PTPRD: variants seen among roughly 807,000 people sequenced by gnomAD.
PTPRD encodes the protein protein tyrosine phosphatase receptor type D.
A neutral mutation model predicts 214.5 loss-of-function variants in PTPRD; 34 were observed. That is an observed-to-expected ratio of 0.16 (90% CI 0.12 to 0.21). The LOEUF (loss-of-function observed/expected upper bound fraction) is 0.21. Ranked by LOEUF, PTPRD falls within the 10% of genes least tolerant of loss-of-function variation. The probability of loss-of-function intolerance (pLI) is 1.00; values close to 1 mark genes in which losing one functional copy is unlikely to be tolerated. For missense variants in PTPRD, 2,545 were observed against 2,398.7 expected, an observed-to-expected ratio of 1.06 and a Z score of -1.27; for synonymous variants, 1,128 against 845.7, an observed-to-expected ratio of 1.33 and a Z score of -5.79.
At chr9:10,000,170 A>G (rs1282033988) in intron 4 of PTPRD, among the ~76,000 whole-genome samples, 1 of 152,144 alleles carries the variant, frequency 6.6e-6, no homozygotes, top group Non-Finnish European at 1.5e-5. Flanking sequence ...CTCAAGGAAA[A>G]TGTTGCTTTT....
chr9:8,749,467 C>T (rs985123965), intron 11 of PTPRD, among the ~76,000 whole-genome samples: 3 of 152,164 alleles, frequency 2.0e-5, no homozygotes, highest in African/African-American at 4.8e-5. Context: ...GGATTACAGG[C>T]GTGAGCCACC....
intron 8 of PTPRD, among the ~76,000 whole-genome samples, chr9:9,563,630 T>G (rs1019066585): frequency 1.3e-4 from 20 of 152,180 alleles, no homozygotes; most frequent in Admixed American, 1.2e-3. Context: ...GCTTTTATCC[T>G]TGGCTTTTAT....
At chr9:10,087,825 G>A (rs2098372745) in intron 3 of PTPRD, among the ~76,000 whole-genome samples, 2 of 151,724 alleles carry the variant, frequency 1.3e-5, no homozygotes, top group South Asian at 4.1e-4. Flanking sequence ...AAGTATCACG[G>A]TAACTTCTTT....
chr9:9,351,277 G>C (rs558481257), intron 9 of PTPRD, among the ~76,000 whole-genome samples: 1 of 152,078 alleles, frequency 6.6e-6, no homozygotes, highest in Non-Finnish European at 1.5e-5. Context: ...ATAAAAAGAG[G>C]AAACAAAGGT....
chr9:8,617,160 G>A (rs1319547675), intron 14 of PTPRD, among the ~76,000 whole-genome samples: 2 of 152,048 alleles, frequency 1.3e-5, no homozygotes, highest in Non-Finnish European at 2.9e-5. Flanking sequence ...ATGAACCTTG[G>A]ATGGGTCAAG....
intron 4 of PTPRD, among the ~76,000 whole-genome samples, chr9:10,020,157 G>C (rs888726174): frequency 4.6e-5 from 7 of 152,034 alleles, no homozygotes; most frequent in Non-Finnish European, 1.0e-4. Context: ...TTTGAAACAG[G>C]AACCATTTTA....
In PTPRD at chr9:9,413,093, G is replaced by C. The variant is rs546907699; in HGVS notation, c.-236-15611C>G. On this transcript the variant is annotated intron_variant, in intron 8 of 45. Transcript: ENST00000381196. ...GGGCAAACAAGTTATAAAATATCTT[G>C]CAGCTTCTTTTTTTTTTTTTTTTTT... Among the ~76,000 whole-genome samples the C allele has an allele frequency of 5.1e-3, 626 of 123,738 alleles. 6 individuals carry two copies. The highest frequency in any genetic ancestry group is 0.012 in the African/African-American group (394 of 31,786). The allele number at this position is 123,738 out of a possible 152,430, so 81.2% of individuals were successfully genotyped here.
chr9:8,504,346 G>A lies in PTPRD; in HGVS notation c.1737C>T (p.Ser579=), dbSNP rs2137229724. 6.2e-7 allele frequency: 1 copy of A among 1,614,148 alleles called. No individual in the cohort carries two copies. The highest frequency in any genetic ancestry group is 8.5e-7 in the Non-Finnish European group (1 of 1,179,998). The part of the protein sequence containing the change: ...SYRLQGLKPN[S]LYYFRLAARS... ...GTGCAGCCAGACGGAAATAGTATAAGCTGTTTGGTTTCAGTCCTTGCAGCC... is the reference window on the plus strand; with the variant it reads ...GTGCAGCCAGACGGAAATAGTATAAACTGTTTGGTTTCAGTCCTTGCAGCC... The change falls in exon 23 of 46, where the codon AGC becomes AGT. Residue 579 remains serine (S), a synonymous_variant. Coordinates refer to ENST00000381196, the MANE Select transcript of PTPRD (RefSeq NM_002839.4).
chr9:9,035,533 C>A (rs527837865), intron 10 of PTPRD, among the ~76,000 whole-genome samples: 1 of 152,148 alleles, frequency 6.6e-6, no homozygotes, highest in South Asian at 2.1e-4. Flanking sequence ...ACCTCCCTCC[C>A]GTCATAGGGT....
intron 12 of PTPRD, among the ~76,000 whole-genome samples, chr9:8,714,602 T>A (rs2098410196): frequency 6.6e-6 from 1 of 152,194 alleles, no homozygotes; most frequent in Admixed American, 6.5e-5. Flanking sequence ...TCCTAGAACC[T>A]GCTAGTCAAG....
At chr9:9,065,349 A>G (rs187111464) in intron 10 of PTPRD, among the ~76,000 whole-genome samples, 1 of 150,714 alleles carries the variant, frequency 6.6e-6, no homozygotes, top group African/African-American at 2.4e-5. Flanking sequence ...GAGATCTACA[A>G]CATCAGTGGG....
At chr9:9,335,033 C>G (rs1362003556) in intron 9 of PTPRD, among the ~76,000 whole-genome samples, 1 of 151,996 alleles carries the variant, frequency 6.6e-6, no homozygotes, top group Non-Finnish European at 1.5e-5. Flanking sequence ...CTTCACCTGT[C>G]TCTATACTCT....
At chr9:9,024,338 G>GTTTTTTTTTTTTTTTTTTTTT (rs746383829) in intron 10 of PTPRD, among the ~76,000 whole-genome samples, 2 of 61,346 alleles carry the variant, frequency 3.3e-5, no homozygotes, top group African/African-American at 5.4e-5. Flanking sequence ...TCGATTCTTT[G>GTTTTTTTTTTTTTTTTTTTTT]TTTTTTTTTG....
intron 12 of PTPRD, among the ~76,000 whole-genome samples, chr9:8,697,007 C>T (rs985041048): frequency 2.6e-5 from 4 of 152,122 alleles, no homozygotes; most frequent in Admixed American, 6.5e-5. Context: ...AAAATGCTTG[C>T]GGAAGCGTGA....
In PTPRD at chr9:9,684,233, T is replaced by A. The variant is rs138085178; in HGVS notation, c.-287+50300A>T. 2.6e-5 allele frequency among the ~76,000 whole-genome samples: 4 copies of A among 151,846 alleles called. No homozygotes were observed. The East Asian group carries it at 7.8e-4, about 29-fold the overall frequency. On this transcript the variant is annotated intron_variant, in intron 7 of 45. Coordinates refer to ENST00000381196, the MANE Select transcript of PTPRD (RefSeq NM_002839.4). ...ATGTTTTATTTCAAATAGCCAAGAA[T>A]AATTTAAAACTAAGCCTTTAAGTAA...
intron 12 of PTPRD, among the ~76,000 whole-genome samples, chr9:8,714,337 A>T (rs1444658944): frequency 6.6e-6 from 1 of 151,744 alleles, no homozygotes; most frequent in Non-Finnish European, 1.5e-5. Flanking sequence ...GTTTTGTTTT[A>T]TATCACGGCC....
At chr9:10,257,989 G>C (rs747697252) in intron 3 of PTPRD, among the ~76,000 whole-genome samples, 5 of 152,110 alleles carry the variant, frequency 3.3e-5, no homozygotes, top group Non-Finnish European at 1.5e-5. Flanking sequence ...GGAAGGAGAA[G>C]GTAGGTGGCA....
At chr9:9,834,952 TC>T (rs1444189701) in intron 5 of PTPRD, among the ~76,000 whole-genome samples, 1 of 151,966 alleles carries the variant, frequency 6.6e-6, no homozygotes, top group African/African-American at 2.4e-5. Context: ...TTTTGTTCCA[TC>T]CCAGATAAGA....
At chr9:10,250,139 T>C (rs1403635222) in intron 3 of PTPRD, among the ~76,000 whole-genome samples, 1 of 152,142 alleles carries the variant, frequency 6.6e-6, no homozygotes, top group Non-Finnish European at 1.5e-5. Flanking sequence ...ATGATACCTT[T>C]AGCACAGCAT....
Sources: allele counts gnomAD v4.1 joint callset (sites outside exome capture counted in the v4.1 genomes callset), GRCh38; gene constraint gnomAD v4.1.1; transcripts MANE v1.5; gene names NCBI Gene and HGNC (gene_info 2026-07-23, HGNC 2026-07-21).